The following STPG2 variants were observed in gnomAD, a reference collection of about 807,000 sequenced individuals.
STPG2 encodes the protein sperm tail PG-rich repeat containing 2.
STPG2 carries 56 observed loss-of-function variants against 54.2 expected under a neutral mutation model. The ratio of observed to expected loss-of-function variants is 1.03; its 90% CI spans 0.83 to 1.29. The LOEUF (loss-of-function observed/expected upper bound fraction) is 1.29. Among genes scored for constraint, STPG2 ranks in the 50% most tolerant of loss-of-function variants. STPG2 has a pLI of 0.00. For missense variants in STPG2, 596 were observed against 544.9 expected (o/e 1.09, Z -0.93); for synonymous variants, 200 against 181.8 (o/e 1.10, Z -0.81).
At chr4:97,875,055 G>C (rs892242668) in intron 8 of STPG2, among the ~76,000 whole-genome samples, 2 of 151,816 alleles carry the variant, frequency 1.3e-5, no homozygotes, top group African/African-American at 2.4e-5. Flanking sequence ...CCATCATATG[G>C]ATATGCTAGT....
chr4:97,803,985 T>C (rs2149092136), intron 9 of STPG2, among the ~76,000 whole-genome samples: 1 of 152,304 alleles, frequency 6.6e-6, no homozygotes, highest in South Asian at 2.1e-4. Context: ...GGAGGCTGCT[T>C]TCCAGAGACA....
intron 9 of STPG2, among the ~76,000 whole-genome samples, chr4:97,808,794 A>G (rs1240262005): frequency 6.6e-6 from 1 of 150,536 alleles, no homozygotes; most frequent in South Asian, 2.1e-4. Flanking sequence ...TAAACCAAAG[A>G]AAGTTTATAT....
intron 8 of STPG2, among the ~76,000 whole-genome samples, chr4:97,924,754 A>C (rs1732271758): frequency 6.6e-6 from 1 of 152,238 alleles, no homozygotes. Flanking sequence ...ATACCATATT[A>C]TAACATATGT....
At chr4:97,918,013 C>G (rs1731949325) in intron 8 of STPG2, among the ~76,000 whole-genome samples, 1 of 152,028 alleles carries the variant, frequency 6.6e-6, no homozygotes, top group Admixed American at 6.6e-5. Flanking sequence ...ATGGAGAACT[C>G]TGCATTTAAC....
chr4:98,041,494 A>G (rs772099449), intron 5 of STPG2, among the ~76,000 whole-genome samples: 2 of 151,810 alleles, frequency 1.3e-5, no homozygotes, highest in Non-Finnish European at 2.9e-5. Context: ...TATCATTTTG[A>G]GGTATGTGTT....
At chr4:97,863,304 G>T (rs190187744) in intron 8 of STPG2, among the ~76,000 whole-genome samples, 1 of 152,116 alleles carries the variant, frequency 6.6e-6, no homozygotes. Flanking sequence ...TACCATCAGA[G>T]AATACTATAA....
intron 8 of STPG2, among the ~76,000 whole-genome samples, chr4:97,843,660 A>C (rs2149124052): frequency 6.6e-6 from 1 of 152,108 alleles, no homozygotes; most frequent in South Asian, 2.1e-4. Flanking sequence ...AAAGTAGTTA[A>C]GTTGTTGAGA....
chr4:97,947,938 T>C (rs1733301782), intron 7 of STPG2, among the ~76,000 whole-genome samples: 1 of 152,114 alleles, frequency 6.6e-6, no homozygotes, highest in Admixed American at 6.6e-5. Flanking sequence ...TAGGGAGGAT[T>C]CCTTCTTTCT....
At chr4:97,619,490 T>C (rs1044824029) in intron 10 of STPG2, among the ~76,000 whole-genome samples, 2 of 151,586 alleles carry the variant, frequency 1.3e-5, no homozygotes, top group Non-Finnish European at 2.9e-5. Context: ...ATTTGAGGGC[T>C]GATAGGAAGA....
At chr4:97,839,184 C>T (rs978390809) in intron 9 of STPG2, among the ~76,000 whole-genome samples, 1 of 151,678 alleles carries the variant, frequency 6.6e-6, no homozygotes, top group Admixed American at 6.6e-5. Context: ...TTCAAAGGAG[C>T]TTCAAAGGTT....
chr4:98,092,236 C>G (rs1378836553), intron 5 of STPG2, among the ~76,000 whole-genome samples: 1 of 151,934 alleles, frequency 6.6e-6, no homozygotes, highest in Admixed American at 6.6e-5. Context: ...ACTTTTTTCA[C>G]TTCTTTAAAA....
chr4:97,873,848 G>T (rs1730079503), intron 8 of STPG2, among the ~76,000 whole-genome samples: 1 of 151,492 alleles, frequency 6.6e-6, no homozygotes, highest in South Asian at 2.1e-4. Context: ...GAGCTATTCA[G>T]TCAATAAATA....
At chr4:98,091,612 G>A (rs934184632) in intron 5 of STPG2, among the ~76,000 whole-genome samples, 1 of 151,922 alleles carries the variant, frequency 6.6e-6, no homozygotes, top group Non-Finnish European at 1.5e-5. Context: ...CTTCCATTGA[G>A]GAATGTGAAC....
At chr4:97,511,678 C>G (rs1368110361) in intron 4 of STPG2, among the ~76,000 whole-genome samples, 1 of 151,966 alleles carries the variant, frequency 6.6e-6, no homozygotes, top group African/African-American at 2.4e-5. Context: ...AAATTATTTT[C>G]AAGCATGTCA....
chr4:97,943,835 T>A, intron 8 of STPG2, 62 bp downstream of exon 8: 1 of 1,283,570 alleles, frequency 7.8e-7, no homozygotes, highest in Middle Eastern at 1.9e-4. Context: ...AATGTTTATG[T>A]TATGCAGCCT....
In STPG2 at chr4:97,565,272, C is replaced by T. The variant is rs572377998; in HGVS notation, c.1321-6155G>A. On this transcript the variant is annotated intron_variant, in intron 10 of 10. Transcript: ENST00000295268. ...TCTTCACGCAGTTCTCGAGCCTTGG[C>T]TTTCAGCTCCATCAGCTCCTTTAAG... 2.0e-5 allele frequency among the ~76,000 whole-genome samples: 3 copies of T among 152,326 alleles called. No homozygotes were observed. The South Asian group carries it at 6.2e-4, about 32-fold the overall frequency.
At chr4:97,780,836 G>A (rs558165023) in intron 9 of STPG2, among the ~76,000 whole-genome samples, 2,492 of 151,628 alleles carry the variant, frequency 0.016, 60 homozygotes, top group African/African-American at 0.058. Flanking sequence ...TGACTACTGG[G>A]TACATAAGGA....
intron 8 of STPG2, among the ~76,000 whole-genome samples, chr4:97,902,824 G>A (rs540366741): frequency 6.6e-6 from 1 of 152,236 alleles, no homozygotes; most frequent in African/African-American, 2.4e-5. Flanking sequence ...AAATCAGTAT[G>A]TTGAAGAGAT....
At chr4:97,924,014 T>C (rs1212708528) in intron 8 of STPG2, among the ~76,000 whole-genome samples, 1 of 152,146 alleles carries the variant, frequency 6.6e-6, no homozygotes, top group Non-Finnish European at 1.5e-5. Flanking sequence ...CCTTCCACAA[T>C]GTGGAAGCTT....
Sources: allele counts gnomAD v4.1 joint callset (sites outside exome capture counted in the v4.1 genomes callset), GRCh38; gene constraint gnomAD v4.1.1; transcripts MANE v1.5; gene names NCBI Gene and HGNC (gene_info 2026-07-23, HGNC 2026-07-21).